Variants in NUP58 observed in about 807,000 individuals in gnomAD.
NUP58 encodes nucleoporin p58/p45.
A neutral mutation model predicts 70.1 loss-of-function variants in NUP58; 17 were observed. The ratio of observed to expected loss-of-function variants is 0.24; its 90% confidence interval spans 0.17 to 0.36. The LOEUF (loss-of-function observed/expected upper bound fraction) is 0.36, where lower values mean the gene tolerates loss of function less well. Ranked by LOEUF, NUP58 falls within the 10% of genes least tolerant of loss-of-function variation. NUP58 has a pLI of 1.00. For synonymous variants in NUP58, 275 were observed against 257.6 expected (o/e 1.07, Z -0.65); for missense variants, 644 against 701.5 (o/e 0.92, Z 0.93).
At chr13:25,305,918 T>TCCCC (rs1268762335) in intron 1 of NUP58, among the ~76,000 whole-genome samples, 8 of 152,140 alleles carry the variant, frequency 5.3e-5, no homozygotes, top group Admixed American at 3.9e-4. Context: ...AGTACAGTTA[T>TCCCC]TTGTGTTGTT....
At chr13:25,339,526 T>C (rs1441113777) in intron 15 of NUP58, among the ~76,000 whole-genome samples, 1 of 152,228 alleles carries the variant, frequency 6.6e-6, no homozygotes, top group Non-Finnish European at 1.5e-5. Flanking sequence ...ACTGCTCTTT[T>C]GTTTGTTCAT....
Position 25,333,446 on chromosome 13 carries a change from G to A in NUP58, c.1435+1888G>A, listed in dbSNP as rs1012119706. The A allele has an allele frequency of 1.7e-5, 17 of 985,392 alleles. No individual in the cohort carries two copies. The African/African-American group carries it at 3.0e-4, about 17-fold the overall frequency. 61.0% of individuals were successfully genotyped at this position (985,392 alleles called of 1,614,324 possible). A position where few individuals can be genotyped will look rare whatever the true frequency, so the allele number is the denominator to read the frequency against. ...CTTCACTCTTCCCTGAAACTTTGAAGTCCACATAAGGGCTTTCTCATCAGA... is the reference window on the plus strand; with the variant it reads ...CTTCACTCTTCCCTGAAACTTTGAAATCCACATAAGGGCTTTCTCATCAGA... On this transcript the variant is annotated intron_variant, in intron 13 of 15. Coordinates refer to ENST00000381736, the MANE Select transcript of NUP58 (RefSeq NM_014089.4).
intron 1 of NUP58, among the ~76,000 whole-genome samples, chr13:25,307,416 C>T (rs1593174836): frequency 1.3e-5 from 2 of 151,814 alleles, no homozygotes; most frequent in South Asian, 4.1e-4. Context: ...AGGTTTCACC[C>T]TGTTGGTCAG....
At chr13:25,308,085 T>G in intron 2 of NUP58, 137 bp downstream of exon 2, 2 of 937,502 alleles carry the variant, frequency 2.1e-6, no homozygotes, top group South Asian at 4.6e-5. Flanking sequence ...TGAAAAGAAA[T>G]GCAAGGAATT....
intron 1 of NUP58, among the ~76,000 whole-genome samples, chr13:25,304,623 TCTC>T (rs1204468368): frequency 6.0e-5 from 9 of 150,588 alleles, no homozygotes; most frequent in Non-Finnish European, 1.3e-4. Context: ...TTCAAGCAAT[TCTC>T]CTGCCTCAGC....
At chr13:25,310,206 ATTTTTTTTTTTTTTTTTTT>A (rs796547133) in intron 3 of NUP58, among the ~76,000 whole-genome samples, 1 of 47,484 alleles carries the variant, frequency 2.1e-5, no homozygotes, top group African/African-American at 6.5e-5. Flanking sequence ...CCCTTGGCTA[ATTTTTTTTTTTTTTTTTTT>A]TTTTTTTTTT....
Position 25,340,793 on chromosome 13 carries a change from C to G in NUP58, c.*659C>G, listed in dbSNP as rs2031931319. 1 of 152,062 alleles carries G rather than the reference C, an allele frequency of 6.6e-6. No homozygotes were observed. The highest frequency in any genetic ancestry group is 2.4e-5 in the African/African-American group (1 of 41,458). The allele number at this position is 152,062 out of a possible 1,614,324, so 9.4% of individuals were successfully genotyped here. A position where few individuals can be genotyped will look rare whatever the true frequency, so the allele number is the denominator to read the frequency against. The stretch of plus-strand genomic sequence containing the variant: ...ATTAGCTGGGCATAGTGGCGGGTAC[C>G]TATAATCCCAGCTACTCGGGAGGCT... On this transcript the variant is annotated 3_prime_UTR_variant, in exon 16 of 16. Transcript: ENST00000381736.
intron 9 of NUP58, among the ~76,000 whole-genome samples, chr13:25,323,377 AT>A (rs66637839): frequency 0.72 from 102,963 of 142,584 alleles, 41,033 homozygotes; most frequent in Non-Finnish European, 0.91. Context: ...ATAAAATTAA[AT>A]TAAAAAAAAA....
chr13:25,310,942 G>A (rs1357685398), intron 3 of NUP58, among the ~76,000 whole-genome samples: 1 of 152,172 alleles, frequency 6.6e-6, no homozygotes. Flanking sequence ...ATGACATTGG[G>A]AACTGCTAAG....
At chr13:25,326,875 TAAAA>T in intron 10 of NUP58, 37 bp from the exon 11 acceptor site, 1 of 1,185,644 alleles carries the variant, frequency 8.4e-7, no homozygotes, top group East Asian at 2.4e-5. Flanking sequence ...CACTCCAAAT[TAAAA>T]AAATATTTGA....
At chr13:25,329,176 C>A (rs1358031563) in intron 12 of NUP58, among the ~76,000 whole-genome samples, 2 of 152,044 alleles carry the variant, frequency 1.3e-5, no homozygotes, top group African/African-American at 4.8e-5. Flanking sequence ...GCACAGAATT[C>A]TTTTCCTTAA....
chr13:25,331,261 G>C (rs2031591863), intron 12 of NUP58, 96 bp from the exon 13 acceptor site: 1 of 1,139,544 alleles, frequency 8.8e-7, no homozygotes, highest in South Asian at 1.4e-5. Context: ...GTATAATATT[G>C]GGACTGTCTT....
Position 25,320,563 on chromosome 13 carries a change from T to A in NUP58, c.744T>A (p.Pro248=). The A allele has an allele frequency of 6.2e-7, 1 of 1,610,802 alleles. No individual in the cohort carries two copies. The highest frequency in any genetic ancestry group is 8.5e-7 in the Non-Finnish European group (1 of 1,177,568). ...DSKALKDENL[P]PVICQDVENL... ...AAGCTCTGAAGGATGAAAATCTACC[T>A]CCTGTCATCTGCCAGGATGTTGAAA... is the stretch of plus-strand genomic sequence containing the variant. The change falls in exon 8 of 16, where the codon CCT becomes CCA. Residue 248 remains proline, a synonymous_variant. Coordinates refer to ENST00000381736, the MANE Select transcript of NUP58 (RefSeq NM_014089.4).
chr13:25,343,466 C>CTT (rs59695355), downstream of NUP58, among the ~76,000 whole-genome samples: 7 of 142,022 alleles, frequency 4.9e-5, no homozygotes, highest in African/African-American at 1.5e-4. Flanking sequence ...TAATTCATTC[C>CTT]TTTTTTTTTT....
Position 25,327,004 on chromosome 13 carries a change from C to G in NUP58, c.1120C>G (p.Gln374Glu). ...AGAACTAGAAAACCATCTTGCCACTCAAGCAAATAATTCACATATAACCCC... is the reference window on the plus strand; with the variant it reads ...AGAACTAGAAAACCATCTTGCCACTGAAGCAAATAATTCACATATAACCCC... ...IEELENHLAT[Q>E]ANNSHITPQD... The change falls in exon 11 of 16, where the codon CAA becomes GAA. Residue 374 changes from glutamine to glutamate, a missense_variant. Transcript: ENST00000381736. 6.2e-7 allele frequency: 1 copy of G among 1,602,788 alleles called. No homozygotes were observed. Among genetic ancestry groups the G allele is most frequent in the Non-Finnish European group, 8.5e-7 (1 of 1,173,184 alleles).
chr13:25,305,144 T>G lies in NUP58; in HGVS notation c.108-2662T>G, dbSNP rs1422393370. Among the ~76,000 whole-genome samples, 708 of 119,146 alleles carry G rather than the reference T, an allele frequency of 5.9e-3. 20 individuals carry two copies. Among genetic ancestry groups the G allele is most frequent in the African/African-American group, 0.025 (663 of 26,130 alleles). The allele number at this position is 119,146 out of a possible 152,430, so 78.2% of individuals were successfully genotyped here. A position where few individuals can be genotyped will look rare whatever the true frequency, so the allele number is the denominator to read the frequency against. The stretch of plus-strand genomic sequence containing the variant: ...AGATCTGTGGGGTTTTTTTTTTTTT[T>G]TTTTTTTTTTTTTTTTTGAGACAGG... On this transcript the variant is annotated intron_variant, in intron 1 of 15. Coordinates refer to ENST00000381736, the MANE Select transcript of NUP58 (RefSeq NM_014089.4).
intron 2 of NUP58, 64 bp downstream of exon 2, chr13:25,308,012 C>T: frequency 1.0e-5 from 16 of 1,566,924 alleles, no homozygotes; most frequent in Non-Finnish European, 1.4e-5. Context: ...AAATTGTGTC[C>T]TGTATCTCTC....
At position 25,315,361 on chromosome 13, in the gene NUP58, T is replaced by C. The variant is rs1374442216; in HGVS notation, c.579T>C (p.Leu193=). 2.5e-6 allele frequency: 4 copies of C among 1,611,324 alleles called. No homozygotes were observed. In the South Asian group the frequency reaches 4.4e-5, roughly 18 times the overall value. The change falls in exon 6 of 16, where the codon CTT becomes CTC. Residue 193 remains leucine, a synonymous_variant. Coordinates refer to ENST00000381736, the MANE Select transcript of NUP58 (RefSeq NM_014089.4). ...FQSTNTGTSG[L]GQNALGLTLG... ...TAAGTTATGTTTTATTTATAGGACT[T>C]GGACAGAATGCTTTAGGGTTGACTT...
intron 3 of NUP58, among the ~76,000 whole-genome samples, chr13:25,349,374 A>C (rs2032082530): frequency 6.6e-6 from 1 of 152,216 alleles, no homozygotes; most frequent in Admixed American, 6.5e-5. Flanking sequence ...AGCTCTAGTT[A>C]GGCAAGTTAT....
Sources: gnomAD v4.1 joint callset for allele counts (sites outside exome capture counted in the v4.1 genomes callset) on GRCh38, gnomAD v4.1.1 for gene constraint, MANE v1.5 for transcripts, NCBI Gene and HGNC (gene_info 2026-07-23, HGNC 2026-07-21) for gene names.